The following TENM2 variants were observed in gnomAD, a reference collection of about 807,000 sequenced individuals.
TENM2 encodes the protein teneurin-2.
TENM2 carries 52 observed loss-of-function variants against 245.2 expected under a neutral mutation model. The ratio of observed to expected loss-of-function variants is 0.21; its 90% confidence interval spans 0.17 to 0.27. The LOEUF is 0.27. Among genes scored for constraint, TENM2 ranks in the 10% least tolerant of loss-of-function variants. TENM2 has a pLI of 1.00. For synonymous variants in TENM2, 1,363 were observed against 1,438.9 expected, an observed-to-expected ratio of 0.95 and a Z score of 1.19; for missense variants, 3,046 against 3,666.8, an observed-to-expected ratio of 0.83 and a Z score of 4.37.
chr5:167,596,745 G>A (rs1776241547), intron 2 of TENM2, among the ~76,000 whole-genome samples: 1 of 149,740 alleles, frequency 6.7e-6, no homozygotes, highest in African/African-American at 2.5e-5. Context: ...GCAGTGAGCC[G>A]AGATCTTGCC....
the TENM2 span, among the ~76,000 whole-genome samples, chr5:166,979,098 C>T: frequency 6.6e-6 from 1 of 151,896 alleles, no homozygotes; most frequent in Non-Finnish European, 1.5e-5. Context: ...GATTCCAGAG[C>T]AGGTTGCACA....
rs147146151 is a variant in TENM2, at chr5:168,136,309, C to T, written c.2422+9343C>T. Among the ~76,000 whole-genome samples the T allele has an allele frequency of 1.5e-3, 221 of 152,342 alleles. 2 individuals are homozygous for T. The highest frequency in any genetic ancestry group is 2.6e-3 in the Non-Finnish European group (177 of 68,030). ...CATCCCAACTGCAAAGCTCACTCCA[C>T]ACTTTCATCCCAAGGGCCTCTAGAA... On this transcript the variant is annotated intron_variant, in intron 12 of 28. Transcript: ENST00000518659.
At chr5:167,506,538 T>A (rs1195952527) in intron 2 of TENM2, among the ~76,000 whole-genome samples, 1 of 152,166 alleles carries the variant, frequency 6.6e-6, no homozygotes, top group African/African-American at 2.4e-5. Flanking sequence ...ATGTCTGAGG[T>A]TATATTTAAA....
intron 2 of TENM2, among the ~76,000 whole-genome samples, chr5:167,466,378 C>T (rs1414817684): frequency 6.6e-6 from 1 of 152,166 alleles, no homozygotes; most frequent in Non-Finnish European, 1.5e-5. Context: ...TATAGCTAAC[C>T]TCATAGTCCT....
intron 5 of TENM2, among the ~76,000 whole-genome samples, chr5:168,010,091 T>TA (rs756342471): frequency 6.6e-5 from 10 of 152,202 alleles, no homozygotes; most frequent in Non-Finnish European, 1.3e-4. Flanking sequence ...TGTCACATCT[T>TA]ACGGAAGAAT....
At chr5:168,214,843 C>T (rs934190371) in intron 20 of TENM2, 197 bp from the exon 23 acceptor site, 3 of 678,348 alleles carry the variant, frequency 4.4e-6, no homozygotes, top group African/African-American at 3.5e-5. Flanking sequence ...GCATAAGAAG[C>T]ATAAGTCCAA....
At chr5:167,058,271 A>G in the TENM2 span, among the ~76,000 whole-genome samples, 1 of 152,266 alleles carries the variant, frequency 6.6e-6, no homozygotes, top group Non-Finnish European at 1.5e-5. Context: ...ATGACCTATA[A>G]TAGGCATTCT....
At chr5:167,173,025 A>G in the TENM2 span, among the ~76,000 whole-genome samples, 6 of 152,316 alleles carry the variant, frequency 3.9e-5, no homozygotes, top group Non-Finnish European at 7.3e-5. Context: ...CAAACTCTGT[A>G]TACAAAAGGC....
At chr5:167,970,329 C>T (rs757026633) in intron 4 of TENM2, among the ~76,000 whole-genome samples, 1 of 152,236 alleles carries the variant, frequency 6.6e-6, no homozygotes, top group Non-Finnish European at 1.5e-5. Flanking sequence ...AGTCTCCTGA[C>T]ATCTCTTTTA....
intron 2 of TENM2, among the ~76,000 whole-genome samples, chr5:167,680,393 G>A (rs1253488017): frequency 6.6e-6 from 1 of 152,092 alleles, no homozygotes; most frequent in Non-Finnish European, 1.5e-5. Flanking sequence ...GGCAAATGAA[G>A]GAGTGGTGGT....
intron 26 of TENM2, 98 bp from the exon 29 acceptor site, chr5:168,246,659 T>C (rs1766601754): frequency 1.6e-5 from 19 of 1,198,122 alleles, no homozygotes; most frequent in Non-Finnish European, 2.3e-5. Context: ...TCATGACTTT[T>C]GAGTTGACAT....
chr5:167,595,331 G>A (rs1418137131), intron 2 of TENM2, among the ~76,000 whole-genome samples: 1 of 151,786 alleles, frequency 6.6e-6, no homozygotes, highest in South Asian at 2.1e-4. Context: ...AAGAAATATC[G>A]AGCCCAAAGC....
Position 168,202,127 on chromosome 5 carries a change from A to T in TENM2, c.3431-1562A>T, listed in dbSNP as rs74968506. Among the ~76,000 whole-genome samples the T allele has an allele frequency of 6.9e-3, 1,047 of 152,258 alleles. 53 individuals carry two copies. In the East Asian group the frequency reaches 0.12, roughly 18 times the overall value. On this transcript the variant is annotated intron_variant, in intron 17 of 28. Coordinates refer to ENST00000518659, the Ensembl canonical transcript of TENM2. ...TGCCTAGTCTGTCTGGCCATTAGGGATTGCAAAATGATAGTTTAATTCTGT... is the reference window on the plus strand; with the variant it reads ...TGCCTAGTCTGTCTGGCCATTAGGGTTTGCAAAATGATAGTTTAATTCTGT...
intron 12 of TENM2, among the ~76,000 whole-genome samples, chr5:168,157,245 C>T (rs973754368): frequency 6.6e-6 from 1 of 151,996 alleles, no homozygotes; most frequent in Non-Finnish European, 1.5e-5. Context: ...AAGGAAAGGC[C>T]GAGTGGCTTA....
chr5:167,595,106 C>T (rs904613434), intron 2 of TENM2, among the ~76,000 whole-genome samples: 2 of 152,168 alleles, frequency 1.3e-5, no homozygotes, highest in African/African-American at 4.8e-5. Flanking sequence ...AGATAATCAT[C>T]TCACCTTATT....
chr5:168,188,628 A>G (rs906688472), intron 13 of TENM2, among the ~76,000 whole-genome samples: 3 of 152,218 alleles, frequency 2.0e-5, no homozygotes, highest in East Asian at 1.9e-4. Flanking sequence ...TTTTCTCTTC[A>G]AAGAGCTCAT....
the TENM2 span, among the ~76,000 whole-genome samples, chr5:167,154,500 A>T: frequency 1.3e-5 from 2 of 152,250 alleles, no homozygotes; most frequent in Non-Finnish European, 2.9e-5. Flanking sequence ...TTTAAATTAA[A>T]ATGAAACATC....
At chr5:167,890,059 G>A (rs1258262598) in intron 3 of TENM2, among the ~76,000 whole-genome samples, 4 of 152,118 alleles carry the variant, frequency 2.6e-5, no homozygotes, top group Non-Finnish European at 5.9e-5. Context: ...CAGAGAATCC[G>A]TCTGAGTCCT....
At chr5:168,103,108 A>G (rs1318739325) in intron 9 of TENM2, among the ~76,000 whole-genome samples, 1 of 139,936 alleles carries the variant, frequency 7.1e-6, no homozygotes, top group Non-Finnish European at 1.5e-5. Flanking sequence ...TTCAATTCCC[A>G]CCTATGAGCG....
Sources: gnomAD v4.1 joint callset for allele counts (sites outside exome capture counted in the v4.1 genomes callset) on GRCh38, gnomAD v4.1.1 for gene constraint, MANE v1.5 for transcripts, NCBI Gene and HGNC (gene_info 2026-07-23, HGNC 2026-07-21) for gene names.